MIPEP: variants seen among roughly 807,000 people sequenced by gnomAD.
MIPEP encodes mitochondrial intermediate peptidase.
In MIPEP, 79 loss-of-function variants were observed where a neutral mutation model predicts 90.3. That is an observed-to-expected ratio of 0.87 (90% CI 0.73 to 1.05). MIPEP has a LOEUF of 1.05. MIPEP is among the 50% of genes least tolerant of loss of function. MIPEP has a pLI of 0.00. For synonymous variants in MIPEP, 334 were observed against 315.8 expected, an observed-to-expected ratio of 1.06 and a Z score of -0.61; for missense variants, 940 against 905.6, an observed-to-expected ratio of 1.04 and a Z score of -0.49.
chr13:23,794,480 G>A (rs764452272), intron 16 of MIPEP, among the ~76,000 whole-genome samples: 15 of 152,164 alleles, frequency 9.9e-5, no homozygotes, highest in Non-Finnish European at 1.8e-4. Context: ...TTCCTTGTGA[G>A]TAAAAACGGG....
chr13:23,870,680 C>T (rs532521078), intron 5 of MIPEP, among the ~76,000 whole-genome samples: 7 of 152,076 alleles, frequency 4.6e-5, no homozygotes, highest in African/African-American at 1.4e-4. Flanking sequence ...TGGCACGTGC[C>T]TATAATCTCA....
intron 14 of MIPEP, among the ~76,000 whole-genome samples, chr13:23,814,961 T>C (rs1953216907): frequency 6.6e-6 from 1 of 152,218 alleles, no homozygotes; most frequent in African/African-American, 2.4e-5. Context: ...GTTGGGCAAC[T>C]TACTGAACTG....
chr13:23,875,635 AT>A (rs2137527905), intron 4 of MIPEP, among the ~76,000 whole-genome samples: 1 of 151,278 alleles, frequency 6.6e-6, no homozygotes, highest in South Asian at 2.1e-4. Context: ...AGTTTTCAAA[AT>A]AGATATATTT....
chr13:23,870,138 T>C lies in MIPEP; in HGVS notation c.661A>G (p.Met221Val). 1 of 1,612,492 alleles carries C rather than the reference T, an allele frequency of 6.2e-7. No homozygotes were observed. The highest frequency in any genetic ancestry group is 8.5e-7 in the Non-Finnish European group (1 of 1,179,220). ...KILDLSSTFL[M>V]GTNFPNKIEK... ...ATCTTGTTGGGAAAATTGGTTCCCA[T>C]AAGAAATGTACTACTCAAATCCAAG... Residue 221 changes from methionine to valine, a missense_variant, in exon 6 of 19, where the codon ATG becomes GTG. Physicochemically the swap from Met to Val is conservative, Grantham distance 21. Transcript: ENST00000382172.
chr13:23,776,282 C>G (rs969654371), intron 16 of MIPEP, among the ~76,000 whole-genome samples: 14 of 152,136 alleles, frequency 9.2e-5, no homozygotes, highest in African/African-American at 3.1e-4. Flanking sequence ...CCCCAAACAA[C>G]AGCCCCTCCC....
At chr13:23,747,545 A>G (rs1390346824) in intron 18 of MIPEP, 11 of 512,776 alleles carry the variant, frequency 2.1e-5, no homozygotes, top group Middle Eastern at 6.4e-4. Flanking sequence ...GAAGGGCAGG[A>G]TAGGAGTAAG....
intron 7 of MIPEP, among the ~76,000 whole-genome samples, chr13:23,868,442 A>C (rs1369183912): frequency 1.3e-5 from 2 of 152,180 alleles, no homozygotes; most frequent in Admixed American, 6.5e-5. Context: ...TAGGGTGAGA[A>C]GGGATAAGCA....
Position 23,886,384 on chromosome 13 carries a change from G to C in MIPEP, c.312C>G (p.Thr104=). The C allele has an allele frequency of 2.5e-6, 4 of 1,606,526 alleles. No homozygotes were observed. The highest frequency in any genetic ancestry group is 2.3e-5 in the East Asian group (1 of 44,202). ...CCGAGAGCTCATCGAAGATCAGCACGGTCTGGGGCCCAGGTGGGGTGGAAC... is the reference window on the plus strand; with the variant it reads ...CCGAGAGCTCATCGAAGATCAGCACCGTCTGGGGCCCAGGTGGGGTGGAAC... ...RACSTPPGPQ[T]VLIFDELSDS... The change falls in exon 2 of 19, where the codon ACC becomes ACG. Residue 104 remains threonine (T), a synonymous_variant. Coordinates refer to ENST00000382172, the MANE Select transcript of MIPEP (RefSeq NM_005932.4).
chr13:23,799,368 C>T (rs1171417393), intron 16 of MIPEP, among the ~76,000 whole-genome samples: 1 of 151,780 alleles, frequency 6.6e-6, no homozygotes, highest in African/African-American at 2.4e-5. Context: ...CACTCTGTCG[C>T]CCAGGCTGGA....
intron 14 of MIPEP, among the ~76,000 whole-genome samples, chr13:23,828,502 C>A (rs534466261): frequency 2.0e-5 from 3 of 152,138 alleles, no homozygotes; most frequent in Non-Finnish European, 4.4e-5. Context: ...GAGCACTATA[C>A]AAAAATGGAC....
At chr13:23,759,439 T>C (rs1593137444) in intron 17 of MIPEP, among the ~76,000 whole-genome samples, 1 of 42,776 alleles carries the variant, frequency 2.3e-5, no homozygotes. Flanking sequence ...TCCCCATACC[T>C]CCCCAGACAG....
intron 2 of MIPEP, among the ~76,000 whole-genome samples, chr13:23,886,065 A>G (rs1871466644): frequency 6.6e-6 from 1 of 152,100 alleles, no homozygotes; most frequent in Admixed American, 6.5e-5. Context: ...AATATTTGCT[A>G]TATTAGTATT....
At chr13:23,793,754 GGCT>G (rs911153333) in intron 16 of MIPEP, among the ~76,000 whole-genome samples, 5 of 151,658 alleles carry the variant, frequency 3.3e-5, no homozygotes, top group African/African-American at 1.2e-4. Flanking sequence ...CTGTAACAGA[GGCT>G]GGCCAGGTCT....
Position 23,809,891 on chromosome 13 carries a change from C to G in MIPEP, c.1687G>C (p.Glu563Gln). 6.2e-7 allele frequency: 1 copy of G among 1,613,558 alleles called. No homozygotes were observed. ...GCTGCAGCACAAACCTTTTTAGATT[C>G]ACAAAGACGAGACACCATATTTTTT... is the stretch of plus-strand genomic sequence containing the variant. Reference protein sequence around the residue: ...LPKNMVSRLCESKKVCAAADM... With the variant: ...LPKNMVSRLCQSKKVCAAADM... Residue 563 changes from glutamate to glutamine, a missense_variant, in exon 15 of 19, where the codon GAA (glutamate) becomes CAA (glutamine). Physicochemically the swap from Glu to Gln is conservative, Grantham distance 29 (BLOSUM62 2). Transcript: ENST00000382172.
chr13:23,850,105 G>A lies in MIPEP; in HGVS notation c.1107-8617C>T, dbSNP rs1051743732. Among the ~76,000 whole-genome samples, 15 of 152,322 alleles carry A rather than the reference G, an allele frequency of 9.8e-5. 1 individual carries two copies. Among genetic ancestry groups the A allele is most frequent in the African/African-American group, 2.6e-4 (11 of 41,570 alleles). On this transcript the variant is annotated intron_variant, in intron 10 of 18. Coordinates refer to ENST00000382172, the MANE Select transcript of MIPEP (RefSeq NM_005932.4). ...TACAGAATGAACAAGATGGCCTGCC[G>A]GAGGGCACGTGTGGGCGAGGAAAAA...
intron 7 of MIPEP, among the ~76,000 whole-genome samples, chr13:23,868,167 T>C (rs1376511933): frequency 6.6e-6 from 1 of 151,630 alleles, no homozygotes; most frequent in East Asian, 1.9e-4. Flanking sequence ...CCAAGGAAAG[T>C]GAAAAAGTTT....
intron 16 of MIPEP, among the ~76,000 whole-genome samples, chr13:23,779,290 T>C (rs1180271077): frequency 6.6e-6 from 1 of 152,108 alleles, no homozygotes; most frequent in Non-Finnish European, 1.5e-5. Context: ...AACCCCGAAA[T>C]TGTGGCAGGT....
chr13:23,796,230 C>T (rs983173979), intron 16 of MIPEP, among the ~76,000 whole-genome samples: 1 of 152,074 alleles, frequency 6.6e-6, no homozygotes. Context: ...ACCAGCCTGG[C>T]CAATATGGCG....
intron 16 of MIPEP, among the ~76,000 whole-genome samples, chr13:23,804,930 C>T (rs1027989899): frequency 1.1e-4 from 17 of 152,284 alleles, no homozygotes; most frequent in African/African-American, 3.4e-4. Context: ...CGACCTGAAC[C>T]TACCGGTAGT....
Sources: gnomAD v4.1 joint callset for allele counts (sites outside exome capture counted in the v4.1 genomes callset) on GRCh38, gnomAD v4.1.1 for gene constraint, MANE v1.5 for transcripts, NCBI Gene and HGNC (gene_info 2026-07-23, HGNC 2026-07-21) for gene names.